The following DARS1 variants were observed in gnomAD, a reference collection of about 807,000 sequenced individuals.
The protein encoded by DARS1 is aspartate--tRNA ligase, cytoplasmic.
Under a neutral mutation model 68.8 loss-of-function variants are expected in DARS1, and 51 were observed. The observed-to-expected ratio is 0.74, with a 90% CI of 0.59 to 0.94. The LOEUF (loss-of-function observed/expected upper bound fraction) is 0.94, where lower values mean the gene tolerates loss of function less well. DARS1 is among the 40% of genes least tolerant of loss of function. The pLI, the probability that DARS1 is intolerant of heterozygous loss-of-function variation, is 0.00. For synonymous variants in DARS1, 203 were observed against 190.4 expected (o/e 1.07, Z -0.55); for missense variants, 607 against 597.3 (o/e 1.02, Z -0.17).
intron 3 of DARS1, among the ~76,000 whole-genome samples, chr2:135,975,726 C>T (rs1682482294): frequency 1.3e-5 from 2 of 149,742 alleles, no homozygotes; most frequent in Admixed American, 1.3e-4. Flanking sequence ...TGCACTCCAG[C>T]CTGTGTGACA....
intron 5 of DARS1, among the ~76,000 whole-genome samples, chr2:135,940,612 T>C (rs548783201): frequency 1.7e-4 from 26 of 152,176 alleles, no homozygotes; most frequent in African/African-American, 6.3e-4. Context: ...GACAGGTATG[T>C]CCTCTCTCAC....
At chr2:135,908,298 A>G (rs535739597) in intron 15 of DARS1, among the ~76,000 whole-genome samples, 19 of 152,220 alleles carry the variant, frequency 1.2e-4, no homozygotes, top group Non-Finnish European at 2.2e-4. Flanking sequence ...GCGTTAAAAT[A>G]CATAAAAAAT....
intron 5 of DARS1, among the ~76,000 whole-genome samples, chr2:135,936,989 T>C (rs1439891854): frequency 1.3e-5 from 2 of 152,200 alleles, no homozygotes; most frequent in African/African-American, 4.8e-5. Context: ...AGAAATTTAG[T>C]GATGTATATT....
chr2:135,942,603 T>C (rs994553270), intron 5 of DARS1, among the ~76,000 whole-genome samples: 1 of 152,076 alleles, frequency 6.6e-6, no homozygotes, highest in African/African-American at 2.4e-5. Context: ...TGTATACATA[T>C]GTAGCAAACC....
At chr2:135,942,586 T>C (rs1358461082) in intron 5 of DARS1, among the ~76,000 whole-genome samples, 2 of 151,908 alleles carry the variant, frequency 1.3e-5, no homozygotes, top group African/African-American at 4.8e-5. Flanking sequence ...CACACCAACA[T>C]GGCGCATGTA....
At chr2:135,944,380 G>T (rs1253991178) in intron 4 of DARS1, among the ~76,000 whole-genome samples, 5 of 152,114 alleles carry the variant, frequency 3.3e-5, no homozygotes, top group African/African-American at 9.7e-5. Context: ...GAGGATTTGG[G>T]TCTTTAGTAG....
At chr2:135,923,768 A>T (rs1172397104) in intron 8 of DARS1, among the ~76,000 whole-genome samples, 1 of 152,200 alleles carries the variant, frequency 6.6e-6, no homozygotes, top group East Asian at 1.9e-4. Context: ...CTGTAATCCC[A>T]GCACTCTGGC....
chr2:135,978,169 AAAAAG>A (rs1467639802), intron 3 of DARS1, among the ~76,000 whole-genome samples: 1 of 151,296 alleles, frequency 6.6e-6, no homozygotes, highest in Non-Finnish European at 1.5e-5. Flanking sequence ...AAAAAAAGAA[AAAAAG>A]AAAAAAGGAA....
chr2:135,916,767 G>C lies in DARS1; in HGVS notation c.960-395C>G, dbSNP rs191789501. 2.7e-4 allele frequency among the ~76,000 whole-genome samples: 41 copies of C among 152,266 alleles called. No homozygotes were observed. In the East Asian group the frequency reaches 6.8e-3, roughly 25 times the overall value. The stretch of plus-strand genomic sequence containing the variant: ...TCAGTATTACACTGTATGTTCAGGG[G>C]AGTGCCAGTTTCTTTCCCATTTTGA... On this transcript the variant is annotated intron_variant, in intron 10 of 15. Coordinates refer to ENST00000264161, the MANE Select transcript of DARS1 (RefSeq NM_001349.4).
At chr2:135,942,260 T>C (rs1244161162) in intron 5 of DARS1, among the ~76,000 whole-genome samples, 1 of 151,944 alleles carries the variant, frequency 6.6e-6, no homozygotes, top group Non-Finnish European at 1.5e-5. Flanking sequence ...AACCCAAATG[T>C]CCATCAATGA....
At chr2:135,975,258 T>A (rs1479915175) in intron 3 of DARS1, among the ~76,000 whole-genome samples, 1 of 151,884 alleles carries the variant, frequency 6.6e-6, no homozygotes, top group African/African-American at 2.4e-5. Context: ...GGCAGGAGAA[T>A]GATGTGAACC....
chr2:135,964,842 A>AAG (rs2104836985), intron 3 of DARS1, among the ~76,000 whole-genome samples: 1 of 143,320 alleles, frequency 7.0e-6, no homozygotes, highest in African/African-American at 2.7e-5. Context: ...CTCCACCTCA[A>AAG]AAAAAAAAAA....
chr2:135,911,298 T>A lies in DARS1; in HGVS notation c.1342+84A>T, dbSNP rs1680889907. ...GCAATTACTGTTCAATGGAGATTTT[T>A]AAAAAGACTGAGAAGTCTTTTAAAT... On this transcript the variant is annotated intron_variant, in intron 14 of 15. Transcript: ENST00000264161. 4.7e-6 allele frequency: 4 copies of A among 851,520 alleles called. No individual in the cohort carries two copies. In the East Asian group the frequency reaches 9.7e-5, roughly 21 times the overall value. The allele number at this position is 851,520 out of a possible 1,614,324, so 52.7% of individuals were successfully genotyped here. A position where few individuals can be genotyped will look rare whatever the true frequency, so the allele number is the denominator to read the frequency against.
intron 4 of DARS1, among the ~76,000 whole-genome samples, chr2:135,958,531 C>T (rs1292479316): frequency 6.6e-6 from 1 of 152,150 alleles, no homozygotes; most frequent in Non-Finnish European, 1.5e-5. Flanking sequence ...CTTCTCCTAC[C>T]AAGAAGGATC....
intron 10 of DARS1, among the ~76,000 whole-genome samples, chr2:135,917,943 G>A (rs1031004385): frequency 4.0e-5 from 6 of 150,870 alleles, no homozygotes; most frequent in South Asian, 4.2e-4. Context: ...TTTTTTAGAC[G>A]GAGTCTTGCT....
At chr2:135,952,536 A>T (rs902195185) in intron 4 of DARS1, among the ~76,000 whole-genome samples, 1 of 152,178 alleles carries the variant, frequency 6.6e-6, no homozygotes, top group Non-Finnish European at 1.5e-5. Context: ...AATTTTGAAC[A>T]GACTGACCAA....
intron 10 of DARS1, among the ~76,000 whole-genome samples, chr2:135,919,240 G>A (rs1465146484): frequency 2.0e-5 from 3 of 151,906 alleles, no homozygotes; most frequent in African/African-American, 4.8e-5. Context: ...TAAGTTGGCC[G>A]GGTCGGTCTT....
At chr2:135,907,760 A>C (rs1680819953) in intron 15 of DARS1, among the ~76,000 whole-genome samples, 1 of 152,232 alleles carries the variant, frequency 6.6e-6, no homozygotes, top group African/African-American at 2.4e-5. Context: ...CTGATTATAC[A>C]GTCCAGGCAA....
intron 3 of DARS1, among the ~76,000 whole-genome samples, chr2:135,962,011 G>C (rs908583682): frequency 6.6e-6 from 1 of 152,170 alleles, no homozygotes; most frequent in Non-Finnish European, 1.5e-5. Context: ...ACATTTTAAA[G>C]AGCATTTAAA....
Sources: allele counts gnomAD v4.1 joint callset (sites outside exome capture counted in the v4.1 genomes callset), GRCh38; gene constraint gnomAD v4.1.1; transcripts MANE v1.5; gene names NCBI Gene and HGNC (gene_info 2026-07-23, HGNC 2026-07-21).